DCC: variants seen among roughly 807,000 people sequenced by gnomAD.
DCC encodes the protein DCC netrin 1 receptor.
In DCC, 58 loss-of-function variants were observed where a neutral mutation model predicts 172.5. The ratio of observed to expected loss-of-function variants is 0.34; its 90% CI spans 0.27 to 0.42. DCC has a LOEUF of 0.42. DCC is among the 10% of genes least tolerant of loss of function. The pLI, the probability that DCC is intolerant of heterozygous loss-of-function variation, is 1.00. For missense variants in DCC, 1,740 were observed against 1,791.0 expected, an observed-to-expected ratio of 0.97 and a Z score of 0.51; for synonymous variants, 709 against 644.5, an observed-to-expected ratio of 1.10 and a Z score of -1.52.
intron 1 of DCC, among the ~76,000 whole-genome samples, chr18:52,514,777 T>C (rs1427766189): frequency 2.6e-5 from 4 of 152,196 alleles, no homozygotes; most frequent in Non-Finnish European, 5.9e-5. Context: ...CAAAGCTATA[T>C]GAAATAAGTA....
chr18:52,412,838 C>G (rs1986888007), intron 1 of DCC, among the ~76,000 whole-genome samples: 1 of 151,940 alleles, frequency 6.6e-6, no homozygotes, highest in Non-Finnish European at 1.5e-5. Flanking sequence ...CTTTTTTATT[C>G]TTTTGCATTT....
At chr18:52,412,037 T>G (rs1986861636) in intron 1 of DCC, among the ~76,000 whole-genome samples, 1 of 152,180 alleles carries the variant, frequency 6.6e-6, no homozygotes, top group Admixed American at 6.6e-5. Flanking sequence ...CACATCTTCC[T>G]TAAAGAACTT....
At chr18:52,435,781 A>ACTCCATTATAGACT (rs1181977684) in intron 1 of DCC, among the ~76,000 whole-genome samples, 1 of 152,110 alleles carries the variant, frequency 6.6e-6, no homozygotes, top group East Asian at 1.9e-4. Flanking sequence ...GGGGCAGGAA[A>ACTCCATTATAGACT]CTCCATTATA....
Position 52,906,162 on chromosome 18 carries a change from A to C in DCC, c.531A>C (p.Gln177His). Residue 177 changes from glutamine (Q) to histidine (H), a missense_variant, in exon 3 of 29, where the codon CAA becomes CAC. Transcript: ENST00000442544. ...PMPTIHWQKN[Q>H]QDLTPIPGDS... ...CAACAATCCACTGGCAGAAGAACCAACAAGACCTGACTCCAATCCCAGGTG... is the reference window on the plus strand; with the variant it reads ...CAACAATCCACTGGCAGAAGAACCACCAAGACCTGACTCCAATCCCAGGTG... The C allele has an allele frequency of 6.2e-7, 1 of 1,614,126 alleles. No individual in the cohort carries two copies. Among genetic ancestry groups the C allele is most frequent in the African/African-American group, 1.3e-5 (1 of 75,056 alleles).
chr18:53,134,497 A>G (rs2043708138), intron 7 of DCC, among the ~76,000 whole-genome samples: 1 of 152,076 alleles, frequency 6.6e-6, no homozygotes, highest in Non-Finnish European at 1.5e-5. Flanking sequence ...CACTGTTCTT[A>G]AATATGAAGG....
intron 1 of DCC, among the ~76,000 whole-genome samples, chr18:52,637,987 G>A (rs940587001): frequency 4.6e-5 from 7 of 152,168 alleles, no homozygotes; most frequent in African/African-American, 1.4e-4. Flanking sequence ...AACCCTACAA[G>A]CTGGAAGGGA....
At chr18:52,927,516 A>C (rs980300464) in intron 5 of DCC, among the ~76,000 whole-genome samples, 5 of 151,978 alleles carry the variant, frequency 3.3e-5, no homozygotes, top group South Asian at 2.1e-4. Context: ...ATATGCCCAC[A>C]TAAAGTTTGG....
chr18:52,517,520 T>C (rs1006351389), intron 1 of DCC, among the ~76,000 whole-genome samples: 1 of 152,240 alleles, frequency 6.6e-6, no homozygotes, highest in African/African-American at 2.4e-5. Flanking sequence ...GAAGACATCA[T>C]CATATCTAAA....
At chr18:53,090,283 C>T (rs1004585023) in intron 7 of DCC, among the ~76,000 whole-genome samples, 3 of 152,216 alleles carry the variant, frequency 2.0e-5, no homozygotes, top group South Asian at 4.1e-4. Context: ...CTCTAACAGT[C>T]CATGAGGCCA....
chr18:52,465,475 C>T (rs1335755280), intron 1 of DCC, among the ~76,000 whole-genome samples: 1 of 152,164 alleles, frequency 6.6e-6, no homozygotes, highest in Non-Finnish European at 1.5e-5. Context: ...TCCTGAGTCT[C>T]ACAGTTATTA....
chr18:53,207,738 T>C lies in DCC; in HGVS notation c.1782T>C (p.Tyr594=). ...AAGGCCTGAAAAAATTCACCGAATA[T>C]AGTCTTCGATTCTTAGCTTATAATC... ...KLEGLKKFTE[Y]SLRFLAYNRY... Residue 594 remains tyrosine (Y), a synonymous_variant, in exon 11 of 29, where the codon TAT becomes TAC. Coordinates refer to ENST00000442544, the MANE Select transcript of DCC (RefSeq NM_005215.4). 4 of 1,613,124 alleles carry C rather than the reference T, an allele frequency of 2.5e-6. No homozygotes were observed. Among genetic ancestry groups the C allele is most frequent in the African/African-American group, 1.3e-5 (1 of 75,024 alleles).
intron 5 of DCC, among the ~76,000 whole-genome samples, chr18:53,015,345 A>G (rs894009231): frequency 6.6e-6 from 1 of 152,214 alleles, no homozygotes; most frequent in Non-Finnish European, 1.5e-5. Context: ...CGAATTAAAC[A>G]TCATTTAATT....
intron 14 of DCC, among the ~76,000 whole-genome samples, chr18:53,328,959 G>A (rs1358431396): frequency 6.6e-6 from 1 of 152,124 alleles, no homozygotes; most frequent in Non-Finnish European, 1.5e-5. Flanking sequence ...AAGCTTTGTT[G>A]TCTACATTTA....
chr18:52,790,528 C>A lies in DCC; in HGVS notation c.412+38154C>A, dbSNP rs1354883313. ...CTTCCCCCTAGCTCAACTAGAGAAG[C>A]ATTTTAAGGTTTGGAAAATTAACAT... On this transcript the variant is annotated intron_variant, in intron 2 of 28. Coordinates refer to ENST00000442544, the MANE Select transcript of DCC (RefSeq NM_005215.4). Among the ~76,000 whole-genome samples, 5 of 152,198 alleles carry A rather than the reference C, an allele frequency of 3.3e-5. No individual in the cohort carries two copies. The East Asian group carries it at 9.7e-4, about 29-fold the overall frequency.
In DCC at chr18:53,533,934, G is replaced by A. The variant is rs1445357386; in HGVS notation, c.*3281G>A. 6.6e-6 allele frequency: 1 copy of A among 152,204 alleles called. No individual in the cohort carries two copies. Among genetic ancestry groups the A allele is most frequent in the Non-Finnish European group, 1.5e-5 (1 of 68,038 alleles). 9.4% of individuals were successfully genotyped at this position (152,204 alleles called of 1,614,324 possible). A position where few individuals can be genotyped will look rare whatever the true frequency, so the allele number is the denominator to read the frequency against. On this transcript the variant is annotated 3_prime_UTR_variant, in exon 29 of 29. Coordinates refer to ENST00000442544, the MANE Select transcript of DCC (RefSeq NM_005215.4). ...GAGAGCCATCCTGTGCTAGTGTGAT[G>A]TTTCAGACAACATTCTGAAACTAAA... is the stretch of plus-strand genomic sequence containing the variant.
intron 9 of DCC, among the ~76,000 whole-genome samples, chr18:53,194,141 T>C (rs530467616): frequency 1.3e-5 from 2 of 152,270 alleles, no homozygotes; most frequent in South Asian, 4.1e-4. Context: ...TGCATATCTA[T>C]TTATAGAGAA....
intron 1 of DCC, among the ~76,000 whole-genome samples, chr18:52,710,555 A>C (rs1337572930): frequency 6.6e-6 from 1 of 152,232 alleles, no homozygotes; most frequent in Non-Finnish European, 1.5e-5. Flanking sequence ...CCACCAAAAC[A>C]TGAGGGGAAG....
At chr18:52,802,004 CTT>C (rs58379877) in intron 2 of DCC, among the ~76,000 whole-genome samples, 6,510 of 144,140 alleles carry the variant, frequency 0.045, 213 homozygotes, top group South Asian at 0.17. Context: ...TTATTCTATT[CTT>C]TTTTTTTTTT....
intron 7 of DCC, among the ~76,000 whole-genome samples, chr18:53,130,678 A>G (rs1334615352): frequency 6.6e-6 from 1 of 152,030 alleles, no homozygotes; most frequent in Non-Finnish European, 1.5e-5. Context: ...GGTCTTCTGT[A>G]TTATCAGGCT....
Sources: gnomAD v4.1 joint callset for allele counts (sites outside exome capture counted in the v4.1 genomes callset) on GRCh38, gnomAD v4.1.1 for gene constraint, MANE v1.5 for transcripts, NCBI Gene and HGNC (gene_info 2026-07-23, HGNC 2026-07-21) for gene names.